Variants in DPP6 observed in about 807,000 individuals in gnomAD.
The protein encoded by DPP6 is dipeptidyl peptidase like 6, also known as A-type potassium channel modulatory protein DPP6.
A neutral mutation model predicts 122.6 loss-of-function variants in DPP6; 69 were observed. That is an observed-to-expected ratio of 0.56 (90% confidence interval 0.46 to 0.69). DPP6 has a LOEUF of 0.69. Among genes scored for constraint, DPP6 ranks in the 30% least tolerant of loss-of-function variants. DPP6 has a pLI of 0.00. For missense variants in DPP6, 928 were observed against 1,116.9 expected (o/e 0.83, Z 2.41); for synonymous variants, 418 against 433.1 (o/e 0.97, Z 0.43).
At chr7:153,809,266 T>C in the DPP6 span, among the ~76,000 whole-genome samples, 1 of 152,050 alleles carries the variant, frequency 6.6e-6, no homozygotes, top group Non-Finnish European at 1.5e-5. Context: ...TACTATTGAG[T>C]TGTAGGAGTT....
chr7:154,558,713 C>T (rs1455908043), intron 4 of DPP6, among the ~76,000 whole-genome samples: 2 of 152,184 alleles, frequency 1.3e-5, no homozygotes, highest in Non-Finnish European at 2.9e-5. Flanking sequence ...TAGGCTGTAC[C>T]ATCTAGGTTC....
chr7:153,781,427 G>A, the DPP6 span, among the ~76,000 whole-genome samples: 7 of 152,234 alleles, frequency 4.6e-5, no homozygotes, highest in Admixed American at 1.3e-4. Context: ...TGTGAGAGCT[G>A]CACTAACTTG....
At chr7:154,764,975 C>T (rs1795808190) in intron 8 of DPP6, among the ~76,000 whole-genome samples, 1 of 152,140 alleles carries the variant, frequency 6.6e-6, no homozygotes, top group Non-Finnish European at 1.5e-5. Context: ...AGATCCACCC[C>T]CATAACCCAG....
At position 154,054,988 on chromosome 7, in the gene DPP6, G is replaced by C. The variant is rs2533725; in HGVS notation, c.243+1925G>C. ...GACATGTGTCTAGAAATGATTCTCAGATAAACACAGGTGTCCTGAGAAACA... is the reference window on the plus strand; with the variant it reads ...GACATGTGTCTAGAAATGATTCTCACATAAACACAGGTGTCCTGAGAAACA... On this transcript the variant is annotated intron_variant, in intron 1 of 25. Coordinates refer to ENST00000377770, the MANE Select transcript of DPP6 (RefSeq NM_130797.4). Among the ~76,000 whole-genome samples, 8 of 152,042 alleles carry C rather than the reference G, an allele frequency of 5.3e-5. No individual in the cohort carries two copies. The East Asian group carries it at 7.7e-4, about 15-fold the overall frequency.
chr7:154,870,825 T>C (rs1403463065), intron 18 of DPP6, among the ~76,000 whole-genome samples: 1 of 151,928 alleles, frequency 6.6e-6, no homozygotes, highest in African/African-American at 2.4e-5. Flanking sequence ...TAGCTGGGTG[T>C]GGTGGTGCAC....
At chr7:154,107,267 A>G (rs1449400269) in intron 1 of DPP6, among the ~76,000 whole-genome samples, 1 of 152,228 alleles carries the variant, frequency 6.6e-6, no homozygotes, top group African/African-American at 2.4e-5. Flanking sequence ...AAAAAGCAGG[A>G]GAGTCTGTCA....
chr7:154,546,951 TA>T (rs1161074899), intron 4 of DPP6, among the ~76,000 whole-genome samples: 1 of 152,266 alleles, frequency 6.6e-6, no homozygotes, highest in Non-Finnish European at 1.5e-5. Flanking sequence ...CTTTATGCGC[TA>T]GTCCTCTCAG....
chr7:154,170,065 T>C (rs1797456379), intron 1 of DPP6, among the ~76,000 whole-genome samples: 1 of 152,162 alleles, frequency 6.6e-6, no homozygotes, highest in Admixed American at 6.5e-5. Flanking sequence ...TATCACACCA[T>C]GAGCTCTCCT....
At chr7:154,102,857 G>T (rs972435753) in intron 1 of DPP6, among the ~76,000 whole-genome samples, 13 of 152,060 alleles carry the variant, frequency 8.5e-5, no homozygotes, top group African/African-American at 2.9e-4. Flanking sequence ...CTAAAATCAG[G>T]CCACTTTAAG....
intron 1 of DPP6, among the ~76,000 whole-genome samples, chr7:154,250,189 T>A (rs1766025067): frequency 6.6e-6 from 1 of 152,068 alleles, no homozygotes; most frequent in African/African-American, 2.4e-5. Context: ...AATTGCTCAC[T>A]CGGGAGCTTG....
chr7:154,131,274 G>A (rs1327220930), intron 1 of DPP6, among the ~76,000 whole-genome samples: 1 of 152,232 alleles, frequency 6.6e-6, no homozygotes, highest in Non-Finnish European at 1.5e-5. Context: ...GGTGTGATAT[G>A]CAGTTTTAGC....
chr7:154,175,252 T>G (rs1033889506), intron 1 of DPP6, among the ~76,000 whole-genome samples: 1 of 152,126 alleles, frequency 6.6e-6, no homozygotes, highest in Admixed American at 6.6e-5. Flanking sequence ...TTACAGTACC[T>G]GGCAAAAGAG....
intron 1 of DPP6, among the ~76,000 whole-genome samples, chr7:153,902,469 A>G (rs2128999031): frequency 6.6e-6 from 1 of 152,252 alleles, no homozygotes; most frequent in Non-Finnish European, 1.5e-5. Flanking sequence ...TGGGAACAAG[A>G]TCCCCGGGTC....
chr7:154,312,288 A>G (rs1234445541), intron 1 of DPP6, among the ~76,000 whole-genome samples: 1 of 152,236 alleles, frequency 6.6e-6, no homozygotes, highest in Admixed American at 6.5e-5. Flanking sequence ...AAAAACTGCC[A>G]TAATATGCAC....
At chr7:154,322,747 A>G (rs1393396265) in intron 1 of DPP6, among the ~76,000 whole-genome samples, 1 of 152,198 alleles carries the variant, frequency 6.6e-6, no homozygotes, top group African/African-American at 2.4e-5. Context: ...TGAAGAGAGA[A>G]GTGTCATATC....
chr7:153,764,411 C>T, the DPP6 span, among the ~76,000 whole-genome samples: 1 of 151,888 alleles, frequency 6.6e-6, no homozygotes, highest in East Asian at 2.0e-4. Flanking sequence ...CTCGCCGGTC[C>T]TCCCTGGCAT....
chr7:154,858,228 C>T (rs1803002146), intron 17 of DPP6: 2 of 152,396 alleles, frequency 1.3e-5, no homozygotes, highest in Non-Finnish European at 2.9e-5. Context: ...TCTCAACAGC[C>T]TGTGAGGCAG....
intron 1 of DPP6, among the ~76,000 whole-genome samples, chr7:154,371,067 C>T (rs1586081186): frequency 6.6e-6 from 1 of 152,164 alleles, no homozygotes; most frequent in Admixed American, 6.5e-5. Context: ...AAGAAATGCT[C>T]TTTCATCTTC....
chr7:154,432,017 C>G (rs1355612483), intron 1 of DPP6, among the ~76,000 whole-genome samples: 2 of 152,258 alleles, frequency 1.3e-5, no homozygotes, highest in East Asian at 3.9e-4. Flanking sequence ...CTTGGCCTCT[C>G]CACCCTCCAC....
Sources: allele counts gnomAD v4.1 joint callset (sites outside exome capture counted in the v4.1 genomes callset), GRCh38; gene constraint gnomAD v4.1.1; transcripts MANE v1.5; gene names NCBI Gene and HGNC (gene_info 2026-07-23, HGNC 2026-07-21).